RRH: variants seen among roughly 807,000 people sequenced by gnomAD.
RRH encodes the protein visual pigment-like receptor peropsin.
In RRH, 36 loss-of-function variants were observed where a neutral mutation model predicts 33.1. The ratio of observed to expected loss-of-function variants is 1.09; its 90% CI spans 0.83 to 1.44. RRH has a LOEUF of 1.44. Ranked by LOEUF, RRH falls within the 40% of genes most tolerant of loss-of-function variation. The pLI is 0.00. For synonymous variants in RRH, 124 were observed against 140.2 expected (o/e 0.88, Z 0.82); for missense variants, 393 against 420.2 (o/e 0.94, Z 0.57).
Position 109,844,020 on chromosome 4 carries a change from A to C in RRH, c.900-63A>C, listed in dbSNP as rs1734031802. The C allele has an allele frequency of 4.5e-6, 5 of 1,099,242 alleles. No homozygotes were observed. The South Asian group carries it at 6.2e-5, about 14-fold the overall frequency. The allele number at this position is 1,099,242 out of a possible 1,614,324, so 68.1% of individuals were successfully genotyped here. A position where few individuals can be genotyped will look rare whatever the true frequency, so the allele number is the denominator to read the frequency against. Reference sequence around the variant, plus strand: ...AGTAGTGGCATCTTAGCCATATTTGAAAATGCTTTAGAAGTTCCAAATCAT... The same window carrying C: ...AGTAGTGGCATCTTAGCCATATTTGCAAATGCTTTAGAAGTTCCAAATCAT... On this transcript the variant is annotated intron_variant, in intron 6 of 6. Transcript: ENST00000317735.
At chr4:109,839,907 T>G (rs1374555980) in intron 5 of RRH, among the ~76,000 whole-genome samples, 4 of 152,232 alleles carry the variant, frequency 2.6e-5, no homozygotes, top group Admixed American at 2.6e-4. Flanking sequence ...ATTGCTATTG[T>G]GAATAGTGCT....
intron 1 of RRH, among the ~76,000 whole-genome samples, chr4:109,831,637 G>T (rs1733752489): frequency 6.6e-6 from 1 of 152,080 alleles, no homozygotes; most frequent in South Asian, 2.1e-4. Context: ...GAAGGAGCAG[G>T]GTGCTCCAAG....
chr4:109,835,655 A>G (rs1019103847), intron 3 of RRH, among the ~76,000 whole-genome samples, 190 bp downstream of exon 3: 1 of 152,150 alleles, frequency 6.6e-6, no homozygotes, highest in Non-Finnish European at 1.5e-5. Context: ...TCATAAGGCT[A>G]TTCACACTTT....
At chr4:109,834,586 T>C (rs1034842573) in intron 2 of RRH, among the ~76,000 whole-genome samples, 2 of 150,598 alleles carry the variant, frequency 1.3e-5, no homozygotes, top group African/African-American at 4.9e-5. Context: ...CTCATGATCC[T>C]CCCACCTCGG....
At chr4:109,832,252 G>A (rs1300285628) in intron 1 of RRH, among the ~76,000 whole-genome samples, 1 of 147,912 alleles carries the variant, frequency 6.8e-6, no homozygotes, top group Non-Finnish European at 1.5e-5. Flanking sequence ...TGCACATCCA[G>A]TACACTCGAC....
At position 109,828,083 on chromosome 4, in the gene RRH, T is replaced by C. The variant is rs1490601557; in HGVS notation, c.56T>C (p.Val19Ala). Residue 19 changes from valine (V) to alanine (A), a missense_variant, in exon 1 of 7, where the codon GTC (valine) becomes GCC (alanine). Transcript: ENST00000317735. ...GACTCTAAAAATGAAGATGGCTCGG[T>C]CTTTTCACAGACTGAACACAATATT... ...SSDSKNEDGSVFSQTEHNIVA... is the reference protein window; with the variant it reads ...SSDSKNEDGSAFSQTEHNIVA... 6.2e-7 allele frequency: 1 copy of C among 1,612,860 alleles called. No individual in the cohort carries two copies.
At chr4:109,843,351 C>T (rs1433321630) in intron 6 of RRH, among the ~76,000 whole-genome samples, 1 of 152,168 alleles carries the variant, frequency 6.6e-6, no homozygotes, top group Non-Finnish European at 1.5e-5. Context: ...GCTGGGATTA[C>T]AGGTGCCCGC....
rs758640637 is a variant in RRH, at chr4:109,833,274, T to C, written c.242T>C (p.Met81Thr). 7.9e-5 allele frequency: 127 copies of C among 1,614,142 alleles called. 1 individual carries two copies. The South Asian group carries it at 1.3e-3, about 17-fold the overall frequency. ...GGGGTCAGTAGCATTGGCTATCCCA[T>C]GTCTGCTGCCTCAGATCTGTATGGA... ...DIGVSSIGYP[M>T]SAASDLYGSW... is the part of the protein sequence containing the mutation. Residue 81 changes from methionine (M) to threonine (T), a missense_variant, in exon 2 of 7, where the codon ATG becomes ACG. Coordinates refer to ENST00000317735, the MANE Select transcript of RRH (RefSeq NM_006583.5).
rs754813908 is a variant in RRH at position 109,833,119 on chromosome 4, A to G, written c.107-20A>G. The G allele has an allele frequency of 1.9e-6, 3 of 1,593,010 alleles. No individual in the cohort carries two copies. The Admixed American group carries it at 5.0e-5, about 27-fold the overall frequency. On this transcript the variant is annotated intron_variant, in intron 1 of 6. Transcript: ENST00000317735. Reference sequence around the variant, plus strand: ...ATTCAAATTAAACAAAATGCATCATATTTTTGTGTGTGTTCTCAGGTATGA... The same window carrying G: ...ATTCAAATTAAACAAAATGCATCATGTTTTTGTGTGTGTTCTCAGGTATGA...
chr4:109,833,333 T>C lies in RRH; in HGVS notation c.297+4T>C, dbSNP rs1733802001. 6.2e-7 allele frequency: 1 copy of C among 1,610,946 alleles called. No individual in the cohort carries two copies. Among genetic ancestry groups the C allele is most frequent in the South Asian group, 1.1e-5 (1 of 90,966 alleles). On this transcript the variant is annotated splice_donor_region_variant and intron_variant, in intron 2 of 6. Coordinates refer to ENST00000317735, the MANE Select transcript of RRH (RefSeq NM_006583.5). ...ATTTGGATACGCAGGCTGTCAGGTA[T>C]TGGAGATCATTGGAATGAAAGCAAA... is the stretch of plus-strand genomic sequence containing the variant.
Position 109,841,363 on chromosome 4 carries a change from A to T in RRH, c.721-1106A>T, listed in dbSNP as rs186944148. 5.4e-3 allele frequency among the ~76,000 whole-genome samples: 823 copies of T among 152,234 alleles called. 5 individuals are homozygous for T. The highest frequency in any genetic ancestry group is 7.7e-3 in the Non-Finnish European group (521 of 68,024). On this transcript the variant is annotated intron_variant, in intron 5 of 6. Transcript: ENST00000317735. ...CAGGTACCCCTCTTTTCAATACAGTACTGAAGTGCTTAGCTGAACCTGGTG... is the reference window on the plus strand; with the variant it reads ...CAGGTACCCCTCTTTTCAATACAGTTCTGAAGTGCTTAGCTGAACCTGGTG...
rs572312273 is a variant in RRH, at chr4:109,828,192, T to G, written c.106+59T>G. On this transcript the variant is annotated intron_variant, in intron 1 of 6. Coordinates refer to ENST00000317735, the MANE Select transcript of RRH (RefSeq NM_006583.5). ...AATGGGTGAAGAAAGGCAGAAGTTT[T>G]CAGCATAAGGCATGCATTGTTTCAA... 1,346 of 1,144,554 alleles carry G rather than the reference T, an allele frequency of 1.2e-3. 3 individuals are homozygous for G. The highest frequency in any genetic ancestry group is 1.6e-3 in the Non-Finnish European group (1,217 of 758,372). The allele number at this position is 1,144,554 out of a possible 1,614,324, so 70.9% of individuals were successfully genotyped here.
At chr4:109,833,472 T>A (rs1193623378) in intron 2 of RRH, 143 bp downstream of exon 2, 6 of 675,270 alleles carry the variant, frequency 8.9e-6, no homozygotes, top group Non-Finnish European at 1.5e-5. Context: ...CAGAAGTGAC[T>A]AGGAATATAT....
intron 4 of RRH, among the ~76,000 whole-genome samples, chr4:109,836,892 A>AG (rs70954189): frequency 5.5e-5 from 1 of 18,054 alleles, no homozygotes; most frequent in Non-Finnish European, 2.0e-4. Context: ...CTGTCTCTAC[A>AG]AAAAAAAAAA....
Position 109,837,419 on chromosome 4 carries a change from G to A in RRH, c.552-18G>A, listed in dbSNP as rs1185196521. On this transcript the variant is annotated intron_variant, in intron 4 of 6. Transcript: ENST00000317735. Reference sequence around the variant, plus strand: ...GGACATTAAATGAGCAATCATGATTGCCTTTTCTTATTTTCAGATCTTTTG... The same window carrying A: ...GGACATTAAATGAGCAATCATGATTACCTTTTCTTATTTTCAGATCTTTTG... The A allele has an allele frequency of 1.5e-5, 24 of 1,610,564 alleles. No homozygotes were observed. Among genetic ancestry groups the A allele is most frequent in the Non-Finnish European group, 2.0e-5 (24 of 1,177,032 alleles).
At chr4:109,838,594 T>C (rs1489916572) in intron 5 of RRH, among the ~76,000 whole-genome samples, 1 of 152,232 alleles carries the variant, frequency 6.6e-6, no homozygotes, top group Non-Finnish European at 1.5e-5. Flanking sequence ...GTAAATTTTT[T>C]AAGACTTTGC....
chr4:109,828,415 G>A lies in RRH; in HGVS notation c.106+282G>A, dbSNP rs191347148. ...AATTTTGGTAAATAAGAGCAGTGAA[G>A]TGGGGCTGAGAAAAGTTTTCTATGT... On this transcript the variant is annotated intron_variant, in intron 1 of 6. Transcript: ENST00000317735. Among the ~76,000 whole-genome samples, 12 of 152,266 alleles carry A rather than the reference G, an allele frequency of 7.9e-5. No homozygotes were observed. In the East Asian group the frequency reaches 2.3e-3, roughly 29 times the overall value.
intron 5 of RRH, 90 bp from the exon 6 acceptor site, chr4:109,842,379 C>A (rs1392570703): frequency 1.6e-5 from 19 of 1,213,790 alleles, no homozygotes; most frequent in Non-Finnish European, 2.0e-5. Flanking sequence ...TATTCAAATT[C>A]CAACCCAGAT....
chr4:109,835,522 A>AAT (rs112292608), intron 3 of RRH, 57 bp downstream of exon 3: 158 of 1,121,644 alleles, frequency 1.4e-4, no homozygotes, highest in African/African-American at 9.3e-4. Context: ...ATGGCCACTC[A>AAT]ATATATATAT....
Sources: allele counts gnomAD v4.1 joint callset (sites outside exome capture counted in the v4.1 genomes callset), GRCh38; gene constraint gnomAD v4.1.1; transcripts MANE v1.5; gene names NCBI Gene and HGNC (gene_info 2026-07-23, HGNC 2026-07-21).